Variants in PRKDC observed in about 807,000 individuals in gnomAD.
PRKDC encodes the protein DNA-dependent protein kinase catalytic subunit.
In PRKDC, 82 loss-of-function variants were observed where a neutral mutation model predicts 486.9. That is an observed-to-expected ratio of 0.17 (90% CI 0.14 to 0.20). The LOEUF (loss-of-function observed/expected upper bound fraction) is 0.20, where lower values mean the gene tolerates loss of function less well. Ranked by LOEUF, PRKDC falls within the 10% of genes least tolerant of loss-of-function variation. The pLI, the probability that PRKDC is intolerant of heterozygous loss-of-function variation, is 1.00. For synonymous variants in PRKDC, 1,895 were observed against 1,837.0 expected (o/e 1.03, Z -0.81); for missense variants, 4,504 against 5,038.2 (o/e 0.89, Z 3.21).
chr8:47,862,294 T>A, intron 43 of PRKDC, 79 bp downstream of exon 43: 1 of 1,460,700 alleles, frequency 6.8e-7, no homozygotes, highest in Non-Finnish European at 9.4e-7. Flanking sequence ...ATGGTATAAA[T>A]TATCTGTAAG....
At chr8:47,896,591 G>C (rs1298017590) in intron 30 of PRKDC, among the ~76,000 whole-genome samples, 1 of 150,742 alleles carries the variant, frequency 6.6e-6, no homozygotes, top group African/African-American at 2.4e-5. Flanking sequence ...AGCTTGCAGT[G>C]AGCTGAGATA....
chr8:47,882,122 A>G, intron 36 of PRKDC, 25 bp from the exon 37 acceptor site: 1 of 1,575,510 alleles, frequency 6.3e-7, no homozygotes, highest in Non-Finnish European at 8.6e-7. Context: ...TTGTGAGTGA[A>G]GAAAAATTCT....
intron 16 of PRKDC, among the ~76,000 whole-genome samples, chr8:47,931,642 T>C (rs1245652228): frequency 6.6e-6 from 1 of 152,216 alleles, no homozygotes; most frequent in Admixed American, 6.5e-5. Context: ...CGGCTTGTAC[T>C]GTGTCCCTTC....
In PRKDC at chr8:47,846,864, T is replaced by C. The variant is rs574875967; in HGVS notation, c.7280+2290A>G. ...GTAACATTTCTATACACCAATAACA[T>C]TACAGCTGAGATCCAAATCAAGAAT... On this transcript the variant is annotated intron_variant, in intron 54 of 85. Transcript: ENST00000314191. Among the ~76,000 whole-genome samples, 5 of 152,154 alleles carry C rather than the reference T, an allele frequency of 3.3e-5. No individual in the cohort carries two copies. The South Asian group carries it at 1.0e-3, about 32-fold the overall frequency.
chr8:47,861,952 G>C, intron 44 of PRKDC, 110 bp downstream of exon 44: 1 of 852,010 alleles, frequency 1.2e-6, no homozygotes. Context: ...GAAACCACCA[G>C]TTTTTGTTGA....
chr8:47,776,213 GA>G (rs1268867812), intron 85 of PRKDC, among the ~76,000 whole-genome samples: 1 of 152,202 alleles, frequency 6.6e-6, no homozygotes, highest in Admixed American at 6.5e-5. Context: ...GTGAAACAAG[GA>G]CCTAACTTCA....
chr8:47,830,525 A>G (rs2087840297), intron 61 of PRKDC, 80 bp downstream of exon 61: 1 of 1,552,964 alleles, frequency 6.4e-7, no homozygotes, highest in Middle Eastern at 2.4e-4. Context: ...AGCCTCAGCC[A>G]TGTTTCCTCA....
intron 1 of PRKDC, among the ~76,000 whole-genome samples, chr8:47,959,643 C>G (rs2090777640): frequency 6.6e-6 from 1 of 151,608 alleles, no homozygotes; most frequent in Non-Finnish European, 1.5e-5. Context: ...CGCGCCACTT[C>G]ACTCCAGCCT....
intron 55 of PRKDC, 101 bp downstream of exon 55, chr8:47,839,915 T>C: frequency 1.1e-6 from 1 of 898,018 alleles, no homozygotes; most frequent in East Asian, 2.8e-5. Context: ...AGGTTGAGAC[T>C]GCAGTGACCT....
chr8:47,870,239 C>T (rs144091354), intron 40 of PRKDC, among the ~76,000 whole-genome samples: 333 of 152,204 alleles, frequency 2.2e-3, no homozygotes, highest in African/African-American at 7.3e-3. Context: ...AGACCCAGTG[C>T]TGTGCTGTGC....
At chr8:47,925,165 G>A (rs966758425) in intron 21 of PRKDC, among the ~76,000 whole-genome samples, 2 of 152,154 alleles carry the variant, frequency 1.3e-5, no homozygotes, top group Admixed American at 1.3e-4. Flanking sequence ...CCTCAGGACT[G>A]ATCACTCCAG....
intron 41 of PRKDC, among the ~76,000 whole-genome samples, chr8:47,863,951 G>A (rs914712417): frequency 6.6e-6 from 1 of 152,148 alleles, no homozygotes; most frequent in African/African-American, 2.4e-5. Context: ...ACAGGATTCC[G>A]AGGGAGGCTG....
intron 26 of PRKDC, 43 bp downstream of exon 26, chr8:47,904,826 C>T (rs760079369): frequency 4.5e-6 from 6 of 1,340,912 alleles, no homozygotes; most frequent in Non-Finnish European, 5.3e-6. Flanking sequence ...TCAAATACAA[C>T]TAATCGATGG....
chr8:47,882,124 A>G (rs753615138), intron 36 of PRKDC, 27 bp from the exon 37 acceptor site: 3 of 1,574,430 alleles, frequency 1.9e-6, no homozygotes, highest in Admixed American at 3.8e-5. Context: ...GTGAGTGAAG[A>G]AAAATTCTTA....
intron 28 of PRKDC, among the ~76,000 whole-genome samples, chr8:47,898,821 C>T (rs1157572385): frequency 6.6e-6 from 1 of 152,256 alleles, no homozygotes; most frequent in Admixed American, 6.5e-5. Flanking sequence ...CATGCACACA[C>T]TCAGAGCAAT....
In PRKDC at chr8:47,836,724, C is replaced by CT. The variant is rs1353552558; in HGVS notation, c.7762-198dup. Among the ~76,000 whole-genome samples, 21 of 152,298 alleles carry CT rather than the reference C, an allele frequency of 1.4e-4. No homozygotes were observed. The South Asian group carries it at 1.4e-3, about 11-fold the overall frequency. ...TTTGCCAACTAGAAAAACTAGTTAA[C>CT]TATCGAGTGAGAAAACCCAGCTTTC... is the stretch of plus-strand genomic sequence containing the variant. On this transcript the variant is annotated intron_variant, in intron 57 of 85. Transcript: ENST00000314191.
intron 21 of PRKDC, among the ~76,000 whole-genome samples, chr8:47,925,443 C>T (rs1311820993): frequency 2.0e-5 from 3 of 152,120 alleles, no homozygotes; most frequent in African/African-American, 7.2e-5. Flanking sequence ...GTCATGAGAA[C>T]TAAGAAAGGT....
chr8:47,798,172 T>C, intron 73 of PRKDC, 65 bp downstream of exon 73: 2 of 1,531,886 alleles, frequency 1.3e-6, no homozygotes, highest in Non-Finnish European at 8.9e-7. Flanking sequence ...CGCGTTTGAA[T>C]ATAAATAAGC....
At chr8:47,813,277 T>A (rs1589714234) in intron 68 of PRKDC, among the ~76,000 whole-genome samples, 2 of 151,590 alleles carry the variant, frequency 1.3e-5, no homozygotes, top group Non-Finnish European at 2.9e-5. Flanking sequence ...ACCACCACAT[T>A]CAGCTAATTT....
Sources: gnomAD v4.1 joint callset for allele counts (sites outside exome capture counted in the v4.1 genomes callset) on GRCh38, gnomAD v4.1.1 for gene constraint, MANE v1.5 for transcripts, NCBI Gene and HGNC (gene_info 2026-07-23, HGNC 2026-07-21) for gene names.